Variants in DPYD observed in about 807,000 individuals in gnomAD.
DPYD encodes the protein dihydropyrimidine dehydrogenase [NADP(+)].
A neutral mutation model predicts 116.2 loss-of-function variants in DPYD; 109 were observed. The ratio of observed to expected loss-of-function variants is 0.94; its 90% CI spans 0.80 to 1.10. The LOEUF (loss-of-function observed/expected upper bound fraction) is 1.10, where lower values mean the gene tolerates loss of function less well. DPYD is among the 50% of genes least tolerant of loss of function. The probability of loss-of-function intolerance (pLI) is 0.00; values close to 1 mark genes in which losing one functional copy is unlikely to be tolerated. For synonymous variants in DPYD, 440 were observed against 432.0 expected (o/e 1.02, Z -0.23); for missense variants, 1,302 against 1,254.5 (o/e 1.04, Z -0.57).
At chr1:97,179,719 G>A (rs1360515170) in intron 20 of DPYD, among the ~76,000 whole-genome samples, 1 of 152,074 alleles carries the variant, frequency 6.6e-6, no homozygotes, top group Non-Finnish European at 1.5e-5. Flanking sequence ...TTTTCTGTGC[G>A]CATTGTAGTC....
chr1:97,209,908 T>A, intron 19 of DPYD, among the ~76,000 whole-genome samples: 1 of 152,160 alleles, frequency 6.6e-6, no homozygotes, highest in East Asian at 1.9e-4. Flanking sequence ...CAGTTTATAT[T>A]TGCATGCCTA....
chr1:97,100,835 A>G (rs1650626987), intron 20 of DPYD, among the ~76,000 whole-genome samples: 1 of 152,104 alleles, frequency 6.6e-6, no homozygotes, highest in African/African-American at 2.4e-5. Flanking sequence ...GCTGAATATA[A>G]TACAGCCTGT....
At chr1:97,570,316 T>C (rs1334264061) in intron 11 of DPYD, among the ~76,000 whole-genome samples, 1 of 152,016 alleles carries the variant, frequency 6.6e-6, no homozygotes, top group East Asian at 1.9e-4. Context: ...GAGAGTGTAA[T>C]TTATCACTGT....
intron 19 of DPYD, among the ~76,000 whole-genome samples, chr1:97,201,435 A>G (rs1314492681): frequency 1.3e-5 from 2 of 152,208 alleles, no homozygotes; most frequent in Non-Finnish European, 2.9e-5. Context: ...TACTTTAAAA[A>G]TGGATGTACA....
chr1:97,241,818 G>C (rs923503298), intron 18 of DPYD, among the ~76,000 whole-genome samples: 1 of 151,768 alleles, frequency 6.6e-6, no homozygotes, highest in African/African-American at 2.4e-5. Flanking sequence ...TCATGGGAAA[G>C]ACTTGGCACA....
chr1:97,192,849 C>A lies in DPYD; in HGVS notation c.2622+220G>T, dbSNP rs182373190. On this transcript the variant is annotated intron_variant, in intron 20 of 22. Transcript: ENST00000370192. The stretch of plus-strand genomic sequence containing the variant: ...TTACACTGCAAACATCGGTCTTTTC[C>A]TTTTATATAATCTTGTGTTGTATTG... Among the ~76,000 whole-genome samples the A allele has an allele frequency of 1.2e-3, 179 of 152,224 alleles. 1 individual carries two copies. Among genetic ancestry groups the A allele is most frequent in the African/African-American group, 4.2e-3 (176 of 41,544 alleles).
At chr1:97,523,074 T>C (rs546267662) in intron 12 of DPYD, among the ~76,000 whole-genome samples, 21 of 152,308 alleles carry the variant, frequency 1.4e-4, no homozygotes, top group African/African-American at 4.8e-4. Flanking sequence ...AATCATTTTA[T>C]AACCTGGACA....
At chr1:97,364,491 T>G (rs1290721448) in intron 16 of DPYD, among the ~76,000 whole-genome samples, 1 of 152,176 alleles carries the variant, frequency 6.6e-6, no homozygotes, top group African/African-American at 2.4e-5. Context: ...TCAAAGACAG[T>G]AAAATTGTAA....
chr1:97,772,060 A>T (rs531472348), intron 3 of DPYD, among the ~76,000 whole-genome samples: 2 of 152,232 alleles, frequency 1.3e-5, no homozygotes, highest in South Asian at 4.2e-4. Flanking sequence ...ATAAATCTTT[A>T]TTTATCAAAG....
At chr1:97,746,737 G>C (rs1157372834) in intron 3 of DPYD, among the ~76,000 whole-genome samples, 1 of 151,996 alleles carries the variant, frequency 6.6e-6, no homozygotes, top group African/African-American at 2.4e-5. Context: ...TTATAACCAG[G>C]AATGAAAAGA....
chr1:97,516,810 G>T (rs892418030), intron 12 of DPYD, among the ~76,000 whole-genome samples: 1 of 151,902 alleles, frequency 6.6e-6, no homozygotes, highest in African/African-American at 2.4e-5. Flanking sequence ...TTTGTAAAGT[G>T]TCTCTCTCAC....
chr1:97,904,496 C>T (rs1047759545), intron 1 of DPYD, among the ~76,000 whole-genome samples: 3 of 151,882 alleles, frequency 2.0e-5, no homozygotes, highest in African/African-American at 7.2e-5. Context: ...AAAATGGTAT[C>T]CTGCCCACCT....
intron 3 of DPYD, among the ~76,000 whole-genome samples, chr1:97,811,742 T>A (rs1668359315): frequency 6.6e-6 from 1 of 152,152 alleles, no homozygotes; most frequent in Admixed American, 6.5e-5. Flanking sequence ...TTTCCCCTAT[T>A]ATAATCTCCA....
chr1:97,214,158 C>T (rs1660222419), intron 19 of DPYD, among the ~76,000 whole-genome samples: 1 of 152,126 alleles, frequency 6.6e-6, no homozygotes, highest in African/African-American at 2.4e-5. Flanking sequence ...CAATAGAATT[C>T]CCTAACAGCA....
intron 20 of DPYD, among the ~76,000 whole-genome samples, chr1:97,148,802 A>G (rs1374815026): frequency 6.6e-6 from 1 of 152,242 alleles, no homozygotes; most frequent in Admixed American, 6.5e-5. Flanking sequence ...TGATTCTTCT[A>G]AAGAAACGAA....
intron 2 of DPYD, among the ~76,000 whole-genome samples, chr1:97,865,797 G>A (rs2101603939): frequency 6.6e-6 from 1 of 151,940 alleles, no homozygotes; most frequent in South Asian, 2.1e-4. Flanking sequence ...AAAACCCCAG[G>A]TTTTTAAAAG....
At chr1:97,734,704 A>G (rs1231658582) in intron 4 of DPYD, among the ~76,000 whole-genome samples, 1 of 152,232 alleles carries the variant, frequency 6.6e-6, no homozygotes, top group Non-Finnish European at 1.5e-5. Context: ...CAAGGACTGA[A>G]AATAACAAGG....
chr1:97,223,190 T>A (rs1410197851), intron 19 of DPYD, among the ~76,000 whole-genome samples: 1 of 152,100 alleles, frequency 6.6e-6, no homozygotes, highest in Non-Finnish European at 1.5e-5. Context: ...CATTAAAAAA[T>A]TCCATTTAGC....
chr1:97,376,204 G>A (rs1004555125), intron 15 of DPYD, among the ~76,000 whole-genome samples: 2 of 152,154 alleles, frequency 1.3e-5, no homozygotes, highest in African/African-American at 4.8e-5. Context: ...TTGAACTCAA[G>A]CATTTTGAGT....
Sources: gnomAD v4.1 joint callset for allele counts (sites outside exome capture counted in the v4.1 genomes callset) on GRCh38, gnomAD v4.1.1 for gene constraint, MANE v1.5 for transcripts, NCBI Gene and HGNC (gene_info 2026-07-23, HGNC 2026-07-21) for gene names.